The following CCNJL variants were observed in gnomAD, a reference collection of about 807,000 sequenced individuals.
CCNJL encodes the protein cyclin-J-like protein.
CCNJL carries 33 observed loss-of-function variants against 33.4 expected under a neutral mutation model. The ratio of observed to expected loss-of-function variants is 0.99; its 90% CI spans 0.75 to 1.32. CCNJL has a LOEUF of 1.32. CCNJL is among the 40% of genes most tolerant of loss of function. The pLI, the probability that CCNJL is intolerant of heterozygous loss-of-function variation, is 0.00. For missense variants in CCNJL, 512 were observed against 499.7 expected, an observed-to-expected ratio of 1.02 and a Z score of -0.23; for synonymous variants, 227 against 220.9, an observed-to-expected ratio of 1.03 and a Z score of -0.24.
chr5:160,327,896 C>G (rs916858189), intron 1 of CCNJL, among the ~76,000 whole-genome samples: 3 of 151,400 alleles, frequency 2.0e-5, no homozygotes, highest in African/African-American at 7.3e-5. Flanking sequence ...AAAAACAATA[C>G]AAAAAAGTAG....
At chr5:160,338,855 G>A (rs998312648) in intron 1 of CCNJL, among the ~76,000 whole-genome samples, 1 of 151,908 alleles carries the variant, frequency 6.6e-6, no homozygotes, top group South Asian at 2.1e-4. Context: ...GCAGTGGCGC[G>A]ATCTCAGCTC....
rs1022495148 is a variant in CCNJL, at chr5:160,249,198, A to C, written c.*4180T>G. 6.6e-6 allele frequency: 1 copy of C among 152,232 alleles called. No individual in the cohort carries two copies. The highest frequency in any genetic ancestry group is 6.5e-5 in the Admixed American group (1 of 15,280). 9.4% of individuals were successfully genotyped at this position (152,232 alleles called of 1,614,324 possible). A position where few individuals can be genotyped will look rare whatever the true frequency, so the allele number is the denominator to read the frequency against. On this transcript the variant is annotated 3_prime_UTR_variant, in exon 6 of 6. Coordinates refer to ENST00000257536, the MANE Select transcript of CCNJL (RefSeq NM_001308173.3). ...GCCTCTGAAACTTAATTACATCCAG[A>C]AAGGACACTTGCATGCTAGTTTATC... is the stretch of plus-strand genomic sequence containing the variant.
At chr5:160,331,273 G>A (rs1763604850) in intron 1 of CCNJL, among the ~76,000 whole-genome samples, 1 of 149,612 alleles carries the variant, frequency 6.7e-6, no homozygotes, top group Non-Finnish European at 1.5e-5. Flanking sequence ...GCCCAGGCTG[G>A]AGTGCGGTGG....
intron 2 of CCNJL, among the ~76,000 whole-genome samples, chr5:160,303,096 C>G (rs1053791770): frequency 7.2e-5 from 11 of 152,102 alleles, no homozygotes; most frequent in African/African-American, 2.4e-4. Flanking sequence ...TTGATTGTTT[C>G]TAATTTTTTG....
At chr5:160,298,930 G>T (rs950366392) in intron 2 of CCNJL, among the ~76,000 whole-genome samples, 7 of 152,092 alleles carry the variant, frequency 4.6e-5, no homozygotes, top group African/African-American at 1.2e-4. Flanking sequence ...CAGGGTAGGG[G>T]ACCATTGGAG....
intron 1 of CCNJL, among the ~76,000 whole-genome samples, chr5:160,327,488 C>T (rs73819824): frequency 0.029 from 4,345 of 152,334 alleles, 193 homozygotes; most frequent in African/African-American, 0.098. Flanking sequence ...AAAGCTTTGA[C>T]TCTTCTCTGG....
At position 160,249,452 on chromosome 5, in the gene CCNJL, C is replaced by T. The variant is rs1240417623; in HGVS notation, c.*3926G>A. 3.9e-5 allele frequency: 6 copies of T among 152,076 alleles called. No homozygotes were observed. The highest frequency in any genetic ancestry group is 3.8e-4 in the East Asian group (2 of 5,200). The allele number at this position is 152,076 out of a possible 1,614,324, so 9.4% of individuals were successfully genotyped here. ...GATAATTCTGTTAAATTCATATAGA[C>T]GTCAGAAAATACTTTTCAAAACAAG... On this transcript the variant is annotated 3_prime_UTR_variant, in exon 6 of 6. Coordinates refer to ENST00000257536, the MANE Select transcript of CCNJL (RefSeq NM_001308173.3).
At chr5:160,296,151 C>G (rs1368398768) in intron 2 of CCNJL, among the ~76,000 whole-genome samples, 1 of 152,168 alleles carries the variant, frequency 6.6e-6, no homozygotes, top group Non-Finnish European at 1.5e-5. Context: ...CAAGAACCAC[C>G]AGTGCCTTGG....
rs182119592 is a variant in CCNJL, at chr5:160,258,860, T to C, written c.583+609A>G. 7.2e-5 allele frequency among the ~76,000 whole-genome samples: 11 copies of C among 152,194 alleles called. No individual in the cohort carries two copies. The East Asian group carries it at 1.9e-3, about 27-fold the overall frequency. On this transcript the variant is annotated intron_variant, in intron 4 of 5. Transcript: ENST00000257536. ...TACAGGCATGCACCACCACACCCGG[T>C]TAATATTTTGTATTTTAGTAGAGAC...
intron 1 of CCNJL, among the ~76,000 whole-genome samples, chr5:160,336,987 T>C (rs1204570930): frequency 7.1e-6 from 1 of 139,992 alleles, no homozygotes; most frequent in Non-Finnish European, 1.5e-5. Context: ...CCTTCCTTCC[T>C]TCTTTCTTTT....
chr5:160,336,993 CTTTT>C (rs1308707312), intron 1 of CCNJL, among the ~76,000 whole-genome samples: 3 of 133,412 alleles, frequency 2.2e-5, no homozygotes, highest in Non-Finnish European at 4.7e-5. Flanking sequence ...TTCCTTCTTT[CTTTT>C]TCTTTCTTTT....
chr5:160,321,050 CTTT>C (rs1561812825), intron 1 of CCNJL, among the ~76,000 whole-genome samples: 22 of 115,492 alleles, frequency 1.9e-4, no homozygotes, highest in Non-Finnish European at 3.1e-4. Context: ...TTCTTTCTTT[CTTT>C]CTTTCTTTCT....
chr5:160,314,470 A>G (rs1288713958), upstream of CCNJL, among the ~76,000 whole-genome samples: 1 of 152,236 alleles, frequency 6.6e-6, no homozygotes, highest in Non-Finnish European at 1.5e-5. Flanking sequence ...ATAAGAACTC[A>G]GAGAACTACA....
At chr5:160,307,490 C>T (rs898468671) in intron 2 of CCNJL, among the ~76,000 whole-genome samples, 1 of 152,152 alleles carries the variant, frequency 6.6e-6, no homozygotes, top group Non-Finnish European at 1.5e-5. Context: ...GGATTCAACA[C>T]CCTATTAATT....
At chr5:160,269,040 C>T (rs564932252) in intron 3 of CCNJL, among the ~76,000 whole-genome samples, 1 of 152,348 alleles carries the variant, frequency 6.6e-6, no homozygotes, top group East Asian at 1.9e-4. Flanking sequence ...GAATCAATTC[C>T]TGAGCCCAGT....
intron 3 of CCNJL, among the ~76,000 whole-genome samples, chr5:160,270,778 T>C (rs909866291): frequency 6.6e-6 from 1 of 152,182 alleles, no homozygotes; most frequent in African/African-American, 2.4e-5. Context: ...CTCCTGCTGA[T>C]AAAAACACTT....
At chr5:160,290,361 G>A (rs1404277621) in intron 2 of CCNJL, among the ~76,000 whole-genome samples, 1 of 151,782 alleles carries the variant, frequency 6.6e-6, no homozygotes, top group Non-Finnish European at 1.5e-5. Context: ...CGCCTTCTAG[G>A]TTCAAGAGAT....
At position 160,332,551 on chromosome 5, in the gene CCNJL, C is replaced by T. The variant is rs535481054; in HGVS notation, n.206+6894G>A. Among the ~76,000 whole-genome samples, 26 of 152,312 alleles carry T rather than the reference C, an allele frequency of 1.7e-4. 1 individual carries two copies. The highest frequency in any genetic ancestry group is 3.9e-4 in the East Asian group (2 of 5,190). On this transcript the variant is annotated intron_variant and non_coding_transcript_variant, in intron 1 of 7. Coordinates refer to the CCNJL transcript ENST00000377503. Reference sequence around the variant, plus strand: ...ACCTGTCTGACCTCATCTTCTCCCACGGTCCCCACCCTGTCCACCTGCTCC... The same window carrying T: ...ACCTGTCTGACCTCATCTTCTCCCATGGTCCCCACCCTGTCCACCTGCTCC...
intron 3 of CCNJL, among the ~76,000 whole-genome samples, chr5:160,279,839 G>A (rs1421922796): frequency 2.0e-5 from 3 of 152,206 alleles, no homozygotes; most frequent in African/African-American, 7.2e-5. Flanking sequence ...TAAACCATGG[G>A]ATGATGTTAA....
Sources: gnomAD v4.1 joint callset for allele counts (sites outside exome capture counted in the v4.1 genomes callset) on GRCh38, gnomAD v4.1.1 for gene constraint, MANE v1.5 for transcripts, NCBI Gene and HGNC (gene_info 2026-07-23, HGNC 2026-07-21) for gene names.